The following SHPRH variants were observed in gnomAD, a reference collection of about 807,000 sequenced individuals.
SHPRH encodes E3 ubiquitin-protein ligase SHPRH.
Under a neutral mutation model 202.5 loss-of-function variants are expected in SHPRH, and 106 were observed. The observed-to-expected ratio is 0.52, with a 90% CI of 0.45 to 0.62. The LOEUF is 0.62. Ranked by LOEUF, SHPRH falls within the 20% of genes least tolerant of loss-of-function variation. SHPRH has a pLI of 0.00. For synonymous variants in SHPRH, 729 were observed against 686.0 expected, an observed-to-expected ratio of 1.06 and a Z score of -0.98; for missense variants, 1,710 against 2,020.0, an observed-to-expected ratio of 0.85 and a Z score of 2.94.
intron 13 of SHPRH, 147 bp from the exon 14 acceptor site, chr6:145,933,325 C>T: frequency 2.5e-6 from 3 of 1,189,030 alleles, no homozygotes; most frequent in Non-Finnish European, 3.5e-6. Flanking sequence ...CAATTTTTAC[C>T]ATTATTTTTT....
At chr6:145,921,980 TA>T in intron 20 of SHPRH, among the ~76,000 whole-genome samples, 1 of 152,020 alleles carries the variant, frequency 6.6e-6, no homozygotes, top group Non-Finnish European at 1.5e-5. Flanking sequence ...TGAATAGCAG[TA>T]AAATGCTAGC....
intron 2 of SHPRH, among the ~76,000 whole-genome samples, chr6:145,954,005 A>G (rs970357232): frequency 6.6e-6 from 1 of 151,934 alleles, no homozygotes; most frequent in South Asian, 2.1e-4. Flanking sequence ...GGCCAAAAAA[A>G]AAAATCTACC....
chr6:145,882,360 G>A (rs1328137845), downstream of SHPRH, among the ~76,000 whole-genome samples: 1 of 152,014 alleles, frequency 6.6e-6, no homozygotes, highest in African/African-American at 2.4e-5. Flanking sequence ...CTGAGTGCAG[G>A]GTAGAAAATG....
chr6:145,947,657 CA>C lies in SHPRH; in HGVS notation c.1062-15del. The C allele has an allele frequency of 6.2e-7, 1 of 1,610,696 alleles. No individual in the cohort carries two copies. The highest frequency in any genetic ancestry group is 8.5e-7 in the Non-Finnish European group (1 of 1,178,208). Reference sequence around the variant, plus strand: ...TCACGAATGATGCTGAGGAAAAAAACAAGATAAATCACATCATAGGAATGTG... The same window carrying C: ...TCACGAATGATGCTGAGGAAAAAAACAGATAAATCACATCATAGGAATGTG... On this transcript the variant is annotated splice_polypyrimidine_tract_variant and intron_variant, in intron 5 of 29. Coordinates refer to ENST00000275233, the MANE Select transcript of SHPRH (RefSeq NM_001042683.3).
At chr6:145,864,178 A>G (rs915730684), downstream of SHPRH, 9 of 186,218 alleles carry the variant, frequency 4.8e-5, no homozygotes, top group African/African-American at 2.1e-4. Flanking sequence ...TAGGTCTATC[A>G]TCTATATTCT....
chr6:145,914,942 T>C (rs1174511983), intron 23 of SHPRH, among the ~76,000 whole-genome samples: 1 of 151,950 alleles, frequency 6.6e-6, no homozygotes, highest in Non-Finnish European at 1.5e-5. Flanking sequence ...TTGGGTGTAA[T>C]GGTCTGTGTC....
chr6:145,943,801 G>A lies in SHPRH; in HGVS notation c.1580C>T (p.Ala527Val), dbSNP rs778132553. ...CTGAATTTTCCTTGGACTCCCTACTGCCTATGAAAAAAATATTTAATTAAT... is the reference window on the plus strand; with the variant it reads ...CTGAATTTTCCTTGGACTCCCTACTACCTATGAAAAAAATATTTAATTAAT... ...EDICDKTKKQ[A>V]VGSPRKIQKE... The change falls in exon 9 of 30, where the codon GCA (alanine) becomes GTA (valine). Residue 527 changes from alanine to valine, a missense_variant and splice_region_variant. This residue lies in a region of SHPRH where 348 missense variants were observed against 356.9 expected (regional missense o/e 0.97). Coordinates refer to ENST00000275233, the MANE Select transcript of SHPRH (RefSeq NM_001042683.3). 6.4e-7 allele frequency: 1 copy of A among 1,556,180 alleles called. No homozygotes were observed. Among genetic ancestry groups the A allele is most frequent in the South Asian group, 1.2e-5 (1 of 81,106 alleles).
intron 9 of SHPRH, 54 bp from the exon 10 acceptor site, chr6:145,941,928 GA>G: frequency 6.3e-7 from 1 of 1,586,282 alleles, no homozygotes; most frequent in Non-Finnish European, 8.6e-7. Flanking sequence ...TAAAGGCAAT[GA>G]AATATTCACT....
intron 25 of SHPRH, chr6:145,908,194 T>C (rs1233346650): frequency 6.6e-6 from 1 of 151,828 alleles, no homozygotes; most frequent in African/African-American, 2.4e-5. Context: ...TTCCATATAT[T>C]TGTTATTGTA....
At chr6:145,958,786 C>A (rs1788762767) in intron 1 of SHPRH, among the ~76,000 whole-genome samples, 1 of 152,122 alleles carries the variant, frequency 6.6e-6, no homozygotes, top group African/African-American at 2.4e-5. Flanking sequence ...CTGAAAAATT[C>A]CTATGGACTA....
At chr6:145,957,464 T>G (rs995499187) in intron 1 of SHPRH, among the ~76,000 whole-genome samples, 2 of 152,148 alleles carry the variant, frequency 1.3e-5, no homozygotes, top group African/African-American at 4.8e-5. Flanking sequence ...AAGTATCTGA[T>G]GAAGGATATG....
chr6:145,923,754 A>G lies in SHPRH; in HGVS notation c.3434T>C (p.Val1145Ala). 1 of 1,610,202 alleles carries G rather than the reference A, an allele frequency of 6.2e-7. No homozygotes were observed. The highest frequency in any genetic ancestry group is 8.5e-7 in the Non-Finnish European group (1 of 1,177,806). ...IHSNSPWWLNVIHRAIEFTID... is the reference protein window; with the variant it reads ...IHSNSPWWLNAIHRAIEFTID... ...AGTAAATTCTATTGCTCTGTGGATC[A>G]CATTTAGCCACCAAGGAGAATTAGA... Residue 1145 changes from valine to alanine, a missense_variant, in exon 18 of 30, where the codon GTG becomes GCG. Around this residue, in one of 8 missense-constraint regions of SHPRH, gnomAD observed 288 missense variants for 317.8 expected, o/e 0.91. Coordinates refer to ENST00000275233, the MANE Select transcript of SHPRH (RefSeq NM_001042683.3).
At position 145,933,169 on chromosome 6, in the gene SHPRH, T is replaced by C; in HGVS notation, c.3000A>G (p.Thr1000=). The change falls in exon 14 of 30, where the codon ACA becomes ACG. Residue 1000 remains threonine, a synonymous_variant. Coordinates refer to ENST00000275233, the MANE Select transcript of SHPRH (RefSeq NM_001042683.3). ...GCAAAGATGTCAGCAGCTCTTCCAT[T>C]GTCATGGTGCTAAAAGAAAAGGTAG... ...EFLPLQKSTM[T]MEELLTSLQK... 2 of 1,613,882 alleles carry C rather than the reference T, an allele frequency of 1.2e-6. No individual in the cohort carries two copies. Among genetic ancestry groups the C allele is most frequent in the Non-Finnish European group, 1.7e-6 (2 of 1,179,896 alleles).
intron 2 of SHPRH, among the ~76,000 whole-genome samples, chr6:145,866,782 A>G (rs1039938046): frequency 1.3e-5 from 2 of 152,180 alleles, no homozygotes; most frequent in African/African-American, 4.8e-5. Flanking sequence ...TTGCTTCTTG[A>G]GTTCTGGGTC....
At chr6:145,865,724 C>G (rs1481400286) in intron 2 of SHPRH, among the ~76,000 whole-genome samples, 4 of 152,216 alleles carry the variant, frequency 2.6e-5, no homozygotes, top group African/African-American at 9.6e-5. Context: ...GGCAATCTCT[C>G]CAAGAGTTGG....
At chr6:145,875,674 TGA>T (rs1258784230) in intron 2 of SHPRH, among the ~76,000 whole-genome samples, 1 of 152,198 alleles carries the variant, frequency 6.6e-6, no homozygotes, top group Non-Finnish European at 1.5e-5. Context: ...TGAGGGTTAA[TGA>T]GAGGTTTTTA....
At chr6:145,901,214 G>C (rs967036528) in intron 25 of SHPRH, among the ~76,000 whole-genome samples, 3 of 152,054 alleles carry the variant, frequency 2.0e-5, no homozygotes, top group Non-Finnish European at 4.4e-5. Flanking sequence ...TGCAGAATAT[G>C]GAGAAAAACA....
At chr6:145,867,558 G>A (rs765069063) in intron 2 of SHPRH, among the ~76,000 whole-genome samples, 10 of 142,896 alleles carry the variant, frequency 7.0e-5, no homozygotes, top group Non-Finnish European at 1.4e-4. Flanking sequence ...ACTGCTGAAC[G>A]TGAACCTGGG....
intron 27 of SHPRH, 67 bp downstream of exon 27, chr6:145,894,083 C>T (rs187747197): frequency 2.0e-5 from 23 of 1,137,280 alleles, no homozygotes; most frequent in Admixed American, 7.5e-5. Context: ...TGTAAGTAAG[C>T]TAGTTAACAG....
Sources: allele counts gnomAD v4.1 joint callset (sites outside exome capture counted in the v4.1 genomes callset), GRCh38; gene constraint gnomAD v4.1.1; regional missense constraint gnomAD v4.1.1; transcripts MANE v1.5; gene names NCBI Gene and HGNC (gene_info 2026-07-23, HGNC 2026-07-21).